The following PROCR variants were observed in gnomAD, a reference collection of about 807,000 sequenced individuals.
The protein encoded by PROCR is protein C receptor.
PROCR carries 22 observed loss-of-function variants against 24.2 expected under a neutral mutation model. The observed-to-expected ratio is 0.91, with a 90% CI of 0.65 to 1.30. PROCR has a LOEUF of 1.30. Among genes scored for constraint, PROCR ranks in the 50% most tolerant of loss-of-function variants. The pLI, the probability that PROCR is intolerant of heterozygous loss-of-function variation, is 0.00. For synonymous variants in PROCR, 137 were observed against 139.2 expected, an observed-to-expected ratio of 0.98 and a Z score of 0.11; for missense variants, 288 against 307.7, an observed-to-expected ratio of 0.94 and a Z score of 0.48.
At chr20:35,197,458 T>C (rs2060302111) in intron 1 of PROCR, among the ~76,000 whole-genome samples, 1 of 152,158 alleles carries the variant, frequency 6.6e-6, no homozygotes, top group South Asian at 2.1e-4. Context: ...GCCCTCCCTA[T>C]TCTGTGAGGC....
At chr20:35,188,844 C>T (rs143577622) in intron 1 of PROCR, among the ~76,000 whole-genome samples, 34 of 152,314 alleles carry the variant, frequency 2.2e-4, no homozygotes, top group African/African-American at 8.2e-4. Flanking sequence ...ACAGAGGGAC[C>T]TGCTGAAGCC....
chr20:35,177,236 G>T lies in PROCR; in HGVS notation c.*423G>T. Reference sequence around the variant, plus strand: ...TCCAGGTGTGTCAGACTTGGGATGGGACGCTGATATAATAGGGTAGAAAGA... The same window carrying T: ...TCCAGGTGTGTCAGACTTGGGATGGTACGCTGATATAATAGGGTAGAAAGA... On this transcript the variant is annotated 3_prime_UTR_variant, in exon 4 of 4. Transcript: ENST00000216968. 1 of 1,059,686 alleles carries T rather than the reference G, an allele frequency of 9.4e-7. No homozygotes were observed. Among genetic ancestry groups the T allele is most frequent in the Non-Finnish European group, 1.1e-6 (1 of 874,508 alleles). 65.6% of individuals were successfully genotyped at this position (1,059,686 alleles called of 1,614,324 possible). A position where few individuals can be genotyped will look rare whatever the true frequency, so the allele number is the denominator to read the frequency against.
rs766874721 is a variant in PROCR, at chr20:35,176,490, G to A, written c.601+44G>A. On this transcript the variant is annotated intron_variant, in intron 3 of 3. Transcript: ENST00000216968. ...CAGGCCTGCAAGCTGGGGAGAGGGCGGGTTCCAGACAAATGGATGGACCTG... is the reference window on the plus strand; with the variant it reads ...CAGGCCTGCAAGCTGGGGAGAGGGCAGGTTCCAGACAAATGGATGGACCTG... 5 of 1,608,602 alleles carry A rather than the reference G, an allele frequency of 3.1e-6. No homozygotes were observed. The African/African-American group carries it at 4.0e-5, about 13-fold the overall frequency.
At chr20:35,190,094 C>T (rs2146162373) in intron 1 of PROCR, among the ~76,000 whole-genome samples, 1 of 152,274 alleles carries the variant, frequency 6.6e-6, no homozygotes, top group African/African-American at 2.4e-5. Flanking sequence ...TTATTATTCT[C>T]ATTTCCTGGC....
rs780179317 is a variant in PROCR, at chr20:35,172,254, G to C, written c.70+30G>C. Reference sequence around the variant, plus strand: ...GTCGGGGGCACATCTCCTGCCTCAGGATGGTTCTGGAGAATCTCAGTCTAT... The same window carrying C: ...GTCGGGGGCACATCTCCTGCCTCAGCATGGTTCTGGAGAATCTCAGTCTAT... On this transcript the variant is annotated intron_variant, in intron 1 of 3. Transcript: ENST00000216968. The C allele has an allele frequency of 6.8e-6, 11 of 1,610,042 alleles. No homozygotes were observed. In the South Asian group the frequency reaches 9.9e-5, roughly 14 times the overall value.
At chr20:35,174,180 G>C (rs892991053) in intron 1 of PROCR, among the ~76,000 whole-genome samples, 3 of 152,148 alleles carry the variant, frequency 2.0e-5, no homozygotes, top group Non-Finnish European at 2.9e-5. Context: ...TTAATGAAGG[G>C]GAGGGGGTTA....
At chr20:35,180,251 T>TAAAC (rs1359131321), downstream of PROCR, among the ~76,000 whole-genome samples, 7 of 105,492 alleles carry the variant, frequency 6.6e-5, no homozygotes, top group Non-Finnish European at 1.3e-4. Flanking sequence ...CCATCTCAAA[T>TAAAC]AAATAAATAA....
rs41290908 is a variant in PROCR at position 35,176,483 on chromosome 20, A to T, written c.601+37A>T. 4,747 of 1,610,098 alleles carry T rather than the reference A, an allele frequency of 2.9e-3. 15 individuals carry two copies. Among genetic ancestry groups the T allele is most frequent in the Non-Finnish European group, 3.2e-3 (3,728 of 1,177,670 alleles). ...CGGGGCCCAGGCCTGCAAGCTGGGG[A>T]GAGGGCGGGTTCCAGACAAATGGAT... On this transcript the variant is annotated intron_variant, in intron 3 of 3. Transcript: ENST00000216968.
chr20:35,204,408 T>C (rs928451707), intron 1 of PROCR, among the ~76,000 whole-genome samples: 53 of 146,408 alleles, frequency 3.6e-4, no homozygotes, highest in African/African-American at 1.2e-3. Context: ...TTCTCTCTTT[T>C]CTTTCCTTTT....
Position 35,176,363 on chromosome 20 carries a change from G to A in PROCR, c.518G>A (p.Arg173His), listed in dbSNP as rs200235621. The change falls in exon 3 of 4, where the codon CGC (arginine) becomes CAC (histidine). Residue 173 changes from arginine to histidine, a missense_variant. By Grantham distance (29) the Arg-to-His change is conservative (BLOSUM62 0). Transcript: ENST00000216968. ...CTGCAGCAGCTCAATGCCTACAACC[G>A]CACTCGGTATGAACTGCGGGAATTC... ...FTLQQLNAYN[R>H]TRYELREFLE... 2.4e-5 allele frequency: 38 copies of A among 1,614,196 alleles called. No homozygotes were observed. The highest frequency in any genetic ancestry group is 3.1e-5 in the Non-Finnish European group (36 of 1,180,040).
downstream of PROCR, among the ~76,000 whole-genome samples, chr20:35,180,103 G>C (rs550450740): frequency 3.3e-4 from 50 of 152,048 alleles, no homozygotes; most frequent in Non-Finnish European, 6.8e-4. Context: ...AAAATTAGCC[G>C]GGCGCGGTGA....
chr20:35,210,352 C>T (rs908470749), intron 1 of PROCR, among the ~76,000 whole-genome samples: 1 of 151,956 alleles, frequency 6.6e-6, no homozygotes, highest in Non-Finnish European at 1.5e-5. Context: ...GAGGACCAGC[C>T]TGGGCAATAT....
At chr20:35,215,792 C>A in intron 1 of PROCR, 1 of 825,764 alleles carries the variant, frequency 1.2e-6, no homozygotes, top group Non-Finnish European at 1.5e-6. Context: ...TGACTGTTAG[C>A]TGCTGAAATA....
intron 1 of PROCR, among the ~76,000 whole-genome samples, chr20:35,208,464 C>G (rs1176831006): frequency 6.6e-6 from 1 of 152,184 alleles, no homozygotes; most frequent in Non-Finnish European, 1.5e-5. Context: ...AGACTTAACC[C>G]TGACTTCCAG....
At chr20:35,191,707 G>A (rs1301143324) in intron 1 of PROCR, among the ~76,000 whole-genome samples, 1 of 152,184 alleles carries the variant, frequency 6.6e-6, no homozygotes, top group Non-Finnish European at 1.5e-5. Context: ...TCATGAACAA[G>A]GAGGCCAGTT....
chr20:35,194,441 A>G (rs1437615027), intron 1 of PROCR, among the ~76,000 whole-genome samples: 1 of 152,190 alleles, frequency 6.6e-6, no homozygotes, highest in African/African-American at 2.4e-5. Flanking sequence ...TGATGACACA[A>G]GAAAAAGAGA....
chr20:35,184,191 G>T (rs1210553796), intron 1 of PROCR, among the ~76,000 whole-genome samples: 2 of 152,006 alleles, frequency 1.3e-5, no homozygotes, highest in Non-Finnish European at 2.9e-5. Context: ...GCATGATACT[G>T]GTATAAAAAT....
At chr20:35,192,179 G>T (rs562370502) in intron 1 of PROCR, among the ~76,000 whole-genome samples, 11 of 152,322 alleles carry the variant, frequency 7.2e-5, no homozygotes, top group Admixed American at 3.3e-4. Context: ...TTAGAAAACC[G>T]CAGTATCTAC....
At chr20:35,206,803 CACACTTACCATAGGCTCCA>C (rs1417380797) in intron 1 of PROCR, among the ~76,000 whole-genome samples, 2 of 152,172 alleles carry the variant, frequency 1.3e-5, no homozygotes, top group Non-Finnish European at 2.9e-5. Flanking sequence ...AAGTTAAACA[CACACTTACCATAGGCTCCA>C]ACAATCCCTC....
Sources: gnomAD v4.1 joint callset for allele counts (sites outside exome capture counted in the v4.1 genomes callset) on GRCh38, gnomAD v4.1.1 for gene constraint, MANE v1.5 for transcripts, NCBI Gene and HGNC (gene_info 2026-07-23, HGNC 2026-07-21) for gene names.